DDX10: variants seen among roughly 807,000 people sequenced by gnomAD.
The protein encoded by DDX10 is probable ATP-dependent RNA helicase DDX10.
In DDX10, 74 loss-of-function variants were observed where a neutral mutation model predicts 104.3. That is an observed-to-expected ratio of 0.71 (90% CI 0.59 to 0.86). The LOEUF is 0.86. DDX10 is among the 40% of genes least tolerant of loss of function. The pLI, the probability that DDX10 is intolerant of heterozygous loss-of-function variation, is 0.00. For synonymous variants in DDX10, 351 were observed against 353.4 expected, an observed-to-expected ratio of 0.99 and a Z score of 0.08; for missense variants, 952 against 1,040.0, an observed-to-expected ratio of 0.92 and a Z score of 1.16.
chr11:108,704,330 G>A (rs947394046), intron 9 of DDX10, among the ~76,000 whole-genome samples: 1 of 152,182 alleles, frequency 6.6e-6, no homozygotes, highest in Non-Finnish European at 1.5e-5. Context: ...TAAAAGGATT[G>A]ACTGTTGCCT....
At chr11:108,918,143 T>A in intron 17 of DDX10, 125 bp downstream of exon 17, 2 of 934,004 alleles carry the variant, frequency 2.1e-6, no homozygotes, top group Non-Finnish European at 3.3e-6. Flanking sequence ...TTGATACCTT[T>A]ACTTAGATTC....
chr11:108,895,538 A>G (rs1863429564), intron 16 of DDX10, among the ~76,000 whole-genome samples: 3 of 152,088 alleles, frequency 2.0e-5, no homozygotes, highest in Non-Finnish European at 2.9e-5. Flanking sequence ...ATACATATCA[A>G]TATTGATTTT....
chr11:108,909,044 A>C (rs1382168297), intron 16 of DDX10, among the ~76,000 whole-genome samples: 10 of 152,168 alleles, frequency 6.6e-5, no homozygotes, highest in Non-Finnish European at 1.5e-4. Flanking sequence ...CTCTGGTTTT[A>C]CTTAAGAAGT....
chr11:108,901,096 A>T lies in DDX10; in HGVS notation c.2305-16777A>T, dbSNP rs1464246776. Among the ~76,000 whole-genome samples the T allele has an allele frequency of 3.9e-5, 6 of 152,260 alleles. 1 individual carries two copies. The highest frequency in any genetic ancestry group is 3.9e-4 in the Admixed American group (6 of 15,292). On this transcript the variant is annotated intron_variant, in intron 16 of 17. Coordinates refer to ENST00000322536, the MANE Select transcript of DDX10 (RefSeq NM_004398.4). ...CTTCTGTTGGCCTAGCCTCCCTAGC[A>T]TTGTAATTATGTCATTTCCCCTGTA...
intron 13 of DDX10, among the ~76,000 whole-genome samples, chr11:108,834,762 C>T (rs1015833448): frequency 2.6e-5 from 4 of 151,710 alleles, no homozygotes; most frequent in Non-Finnish European, 4.4e-5. Flanking sequence ...CCTGTCTCTA[C>T]TAAAAATACA....
chr11:108,680,442 T>G (rs1037057455), intron 6 of DDX10, among the ~76,000 whole-genome samples: 30 of 152,288 alleles, frequency 2.0e-4, no homozygotes, highest in Non-Finnish European at 2.2e-4. Context: ...TTCAAATTCC[T>G]GAGATCAAGC....
intron 13 of DDX10, among the ~76,000 whole-genome samples, chr11:108,804,702 C>A (rs964818085): frequency 1.3e-5 from 2 of 152,146 alleles, no homozygotes; most frequent in African/African-American, 4.8e-5. Flanking sequence ...GCAGAATCCA[C>A]TTTCAAGCTC....
intron 13 of DDX10, among the ~76,000 whole-genome samples, chr11:108,819,563 A>G (rs533892486): frequency 2.1e-4 from 32 of 152,230 alleles, no homozygotes; most frequent in African/African-American, 7.2e-4. Context: ...ATTTTCTGTC[A>G]AAGGGTTTGT....
chr11:108,863,092 T>C (rs188313694), intron 16 of DDX10, among the ~76,000 whole-genome samples: 2 of 152,196 alleles, frequency 1.3e-5, no homozygotes, highest in African/African-American at 4.8e-5. Flanking sequence ...TCCATGCGCA[T>C]CTTATGTGAA....
intron 13 of DDX10, among the ~76,000 whole-genome samples, chr11:108,797,208 A>G (rs1861955150): frequency 6.6e-6 from 1 of 151,862 alleles, no homozygotes; most frequent in African/African-American, 2.4e-5. Context: ...TAATTTTTGT[A>G]TTTTTAGTAG....
chr11:108,691,612 A>G (rs1042738687), intron 7 of DDX10, among the ~76,000 whole-genome samples: 1 of 152,232 alleles, frequency 6.6e-6, no homozygotes, highest in African/African-American at 2.4e-5. Context: ...GTAGAAAATG[A>G]GTTATGATAA....
chr11:108,779,845 T>C (rs746793336), intron 13 of DDX10, among the ~76,000 whole-genome samples: 2 of 152,198 alleles, frequency 1.3e-5, no homozygotes, highest in African/African-American at 4.8e-5. Flanking sequence ...TTGGCTCTGT[T>C]GTTTTATTTA....
At chr11:108,771,390 C>T (rs574204494) in intron 13 of DDX10, among the ~76,000 whole-genome samples, 2 of 151,580 alleles carry the variant, frequency 1.3e-5, no homozygotes, top group Middle Eastern at 3.4e-3. Context: ...GATGGAGTCT[C>T]ACTCTGTCAC....
At chr11:108,918,073 T>C (rs754350833) in intron 17 of DDX10, 55 bp downstream of exon 17, 3 of 1,549,370 alleles carry the variant, frequency 1.9e-6, no homozygotes, top group Non-Finnish European at 2.7e-6. Flanking sequence ...CATCAGTCTT[T>C]TAATGAATCC....
chr11:108,742,914 A>G (rs1167909923), intron 13 of DDX10, among the ~76,000 whole-genome samples: 2 of 152,150 alleles, frequency 1.3e-5, no homozygotes, highest in Non-Finnish European at 2.9e-5. Flanking sequence ...ACCAACCAGA[A>G]AAAGCCCAGT....
chr11:108,727,056 T>G (rs1384856829), intron 13 of DDX10, among the ~76,000 whole-genome samples: 1 of 152,080 alleles, frequency 6.6e-6, no homozygotes, highest in East Asian at 1.9e-4. Context: ...TTCTTTATAT[T>G]TATATTATAG....
chr11:108,752,166 T>C (rs1459880876), intron 13 of DDX10, among the ~76,000 whole-genome samples: 1 of 152,134 alleles, frequency 6.6e-6, no homozygotes, highest in East Asian at 1.9e-4. Context: ...AGTTACGTCT[T>C]GAGGATGGTC....
intron 13 of DDX10, among the ~76,000 whole-genome samples, chr11:108,806,419 A>G (rs1862101895): frequency 1.3e-5 from 2 of 152,168 alleles, no homozygotes; most frequent in South Asian, 4.1e-4. Context: ...TTTGGTATGT[A>G]GGATATCCAT....
chr11:108,891,746 G>C (rs1384242377), intron 16 of DDX10, among the ~76,000 whole-genome samples: 1 of 152,108 alleles, frequency 6.6e-6, no homozygotes, highest in Non-Finnish European at 1.5e-5. Flanking sequence ...TTGGCTGTCT[G>C]ATCACCCATT....
Sources: gnomAD v4.1 joint callset for allele counts (sites outside exome capture counted in the v4.1 genomes callset) on GRCh38, gnomAD v4.1.1 for gene constraint, MANE v1.5 for transcripts, NCBI Gene and HGNC (gene_info 2026-07-23, HGNC 2026-07-21) for gene names.